Variants in ADAM12 observed in about 807,000 individuals in gnomAD.
ADAM12 encodes the protein ADAM metallopeptidase domain 12, also known as disintegrin and metalloproteinase domain-containing protein 12.
A neutral mutation model predicts 106.4 loss-of-function variants in ADAM12; 70 were observed. The ratio of observed to expected loss-of-function variants is 0.66; its 90% CI spans 0.54 to 0.80. The LOEUF is 0.80. Ranked by LOEUF, ADAM12 falls within the 30% of genes least tolerant of loss-of-function variation. The pLI, the probability that ADAM12 is intolerant of heterozygous loss-of-function variation, is 0.00. For synonymous variants in ADAM12, 420 were observed against 433.5 expected, an observed-to-expected ratio of 0.97 and a Z score of 0.39; for missense variants, 1,010 against 1,171.9, an observed-to-expected ratio of 0.86 and a Z score of 2.02.
At chr10:126,219,438 TG>T (rs1483893888) in intron 3 of ADAM12, among the ~76,000 whole-genome samples, 7 of 152,168 alleles carry the variant, frequency 4.6e-5, no homozygotes, top group Non-Finnish European at 8.8e-5. Context: ...TCTTTAGCTA[TG>T]TGCGACACAG....
intron 3 of ADAM12, among the ~76,000 whole-genome samples, chr10:126,208,330 C>G (rs1957834803): frequency 6.6e-6 from 1 of 152,124 alleles, no homozygotes; most frequent in Non-Finnish European, 1.5e-5. Flanking sequence ...CCTACAATGC[C>G]CAGTGCAGCC....
At chr10:126,350,130 A>G (rs1855298678) in intron 1 of ADAM12, among the ~76,000 whole-genome samples, 1 of 152,164 alleles carries the variant, frequency 6.6e-6, no homozygotes, top group African/African-American at 2.4e-5. Flanking sequence ...CCTGTCCCCA[A>G]GAAGAAACTG....
chr10:126,162,360 G>C (rs1287070913), intron 3 of ADAM12, among the ~76,000 whole-genome samples: 1 of 152,150 alleles, frequency 6.6e-6, no homozygotes. Flanking sequence ...AGGCATGGGG[G>C]TGCAGAAACA....
At chr10:126,081,848 T>C (rs891408107) in intron 11 of ADAM12, among the ~76,000 whole-genome samples, 5 of 152,304 alleles carry the variant, frequency 3.3e-5, no homozygotes, top group Middle Eastern at 3.4e-3. Context: ...AATCCCCCCG[T>C]ATATGATAGT....
intron 18 of ADAM12, among the ~76,000 whole-genome samples, 161 bp from the exon 19 acceptor site, chr10:126,039,590 A>G (rs1445558279): frequency 3.3e-5 from 5 of 152,234 alleles, no homozygotes; most frequent in Admixed American, 2.6e-4. Context: ...TTCAGATGCC[A>G]TGTTTGAGGT....
Position 126,046,119 on chromosome 10 carries a change from C to T in ADAM12, c.1931G>A (p.Arg644His), listed in dbSNP as rs370261034. 27 of 1,613,982 alleles carry T rather than the reference C, an allele frequency of 1.7e-5. No homozygotes were observed. Among genetic ancestry groups the T allele is most frequent in the Admixed American group, 1.7e-5 (1 of 60,000 alleles). Reference sequence around the variant, plus strand: ...AAAGACACTAATATTTTGACATTGACGATTCAGGCAGATCTGTAGGAGGAG... The same window carrying T: ...AAAGACACTAATATTTTGACATTGATGATTCAGGCAGATCTGTAGGAGGAG... Reference protein sequence around the residue: ...KCADGKICLNRQCQNISVFGV... With the variant: ...KCADGKICLNHQCQNISVFGV... The change falls in exon 17 of 23, where the codon CGT (arginine) becomes CAT (histidine). Residue 644 changes from arginine (R) to histidine (H), a missense_variant. Physicochemically the swap from Arg to His is conservative, Grantham distance 29 (BLOSUM62 0). This residue lies in a region of ADAM12 where 615 missense variants were observed against 708.5 expected (regional missense o/e 0.87). Coordinates refer to ENST00000448723, the MANE Select transcript of ADAM12 (RefSeq NM_001288973.2).
At chr10:126,109,935 G>A (rs951664977) in intron 6 of ADAM12, 95 bp from the exon 7 acceptor site, 2 of 1,214,484 alleles carry the variant, frequency 1.6e-6, no homozygotes, top group East Asian at 2.4e-5. Context: ...GGTTGAGAAT[G>A]TATATCCCCC....
intron 8 of ADAM12, among the ~76,000 whole-genome samples, chr10:126,105,991 CCT>C (rs560957949): frequency 5.3e-5 from 8 of 152,184 alleles, no homozygotes; most frequent in African/African-American, 1.9e-4. Context: ...GTAGCCATAG[CCT>C]CTCTCTGAGT....
chr10:126,086,781 C>T (rs1450411204), intron 11 of ADAM12, among the ~76,000 whole-genome samples: 1 of 143,880 alleles, frequency 7.0e-6, no homozygotes, highest in African/African-American at 2.6e-5. Context: ...ACACCTGTAT[C>T]CCAGCACTTT....
intron 3 of ADAM12, among the ~76,000 whole-genome samples, chr10:126,168,696 T>C (rs978746135): frequency 6.6e-6 from 1 of 152,162 alleles, no homozygotes; most frequent in African/African-American, 2.4e-5. Context: ...CGAAAACGGA[T>C]CATGTCACTT....
intron 3 of ADAM12, among the ~76,000 whole-genome samples, chr10:126,271,129 C>T (rs1012553412): frequency 5.3e-5 from 8 of 152,184 alleles, no homozygotes; most frequent in African/African-American, 1.9e-4. Context: ...CCCTCCCAGA[C>T]TCTCAGGACC....
chr10:126,249,466 G>A (rs561494726), intron 3 of ADAM12, among the ~76,000 whole-genome samples: 1 of 152,334 alleles, frequency 6.6e-6, no homozygotes, highest in African/African-American at 2.4e-5. Flanking sequence ...TCGGGAGGCC[G>A]AGGCGGGAGG....
At chr10:126,084,866 C>G (rs1462265801) in intron 11 of ADAM12, among the ~76,000 whole-genome samples, 2 of 152,162 alleles carry the variant, frequency 1.3e-5, no homozygotes, top group Non-Finnish European at 2.9e-5. Context: ...CCAGAATGAC[C>G]CTGACCACCT....
intron 18 of ADAM12, among the ~76,000 whole-genome samples, chr10:126,042,612 C>T (rs1478052144): frequency 6.6e-6 from 1 of 152,284 alleles, no homozygotes; most frequent in African/African-American, 2.4e-5. Flanking sequence ...CCACTGCTGC[C>T]GTGACTGTCA....
At chr10:126,351,787 C>A (rs898317890) in intron 1 of ADAM12, among the ~76,000 whole-genome samples, 5 of 152,168 alleles carry the variant, frequency 3.3e-5, no homozygotes, top group Middle Eastern at 3.2e-3. Flanking sequence ...ACCCCCACCC[C>A]CAGTGAGAAG....
At chr10:126,195,868 T>TA (rs139140866) in intron 3 of ADAM12, among the ~76,000 whole-genome samples, 2,593 of 152,316 alleles carry the variant, frequency 0.017, 30 homozygotes, top group Middle Eastern at 0.037. Context: ...TTAAGTTACC[T>TA]AAAACTTGGA....
chr10:126,209,937 T>G (rs1957868860), intron 3 of ADAM12, among the ~76,000 whole-genome samples: 1 of 152,236 alleles, frequency 6.6e-6, no homozygotes, highest in Non-Finnish European at 1.5e-5. Context: ...AACAGGCGAC[T>G]GCTGATCACT....
chr10:126,147,695 C>A (rs1590501881), intron 4 of ADAM12, among the ~76,000 whole-genome samples: 1 of 152,328 alleles, frequency 6.6e-6, no homozygotes, highest in Non-Finnish European at 1.5e-5. Flanking sequence ...TCCCTCAGAC[C>A]AGATTAGGGC....
chr10:126,321,708 A>G (rs1854100396), intron 2 of ADAM12, among the ~76,000 whole-genome samples: 1 of 152,308 alleles, frequency 6.6e-6, no homozygotes, highest in African/African-American at 2.4e-5. Context: ...AGTGCTCACC[A>G]CGTCTGCCCC....
Sources: gnomAD v4.1 joint callset for allele counts (sites outside exome capture counted in the v4.1 genomes callset) on GRCh38, gnomAD v4.1.1 for gene constraint, gnomAD v4.1.1 regional missense constraint, MANE v1.5 for transcripts, NCBI Gene and HGNC (gene_info 2026-07-23, HGNC 2026-07-21) for gene names.